Variants in RASA2 observed in about 807,000 individuals in gnomAD.
RASA2 encodes RAS p21 protein activator 2.
In RASA2, 155 loss-of-function variants were observed where a neutral mutation model predicts 118.2. The observed-to-expected ratio is 1.31, with a 90% CI of 1.15 to 1.50. The LOEUF (loss-of-function observed/expected upper bound fraction) is 1.50. RASA2 is among the 40% of genes most tolerant of loss of function. RASA2 has a pLI of 0.00. For missense variants in RASA2, 1,016 were observed against 1,009.6 expected (o/e 1.01, Z -0.09); for synonymous variants, 353 against 349.1 (o/e 1.01, Z -0.12).
intron 2 of RASA2, among the ~76,000 whole-genome samples, chr3:141,515,888 G>T (rs1449186073): frequency 7.3e-6 from 1 of 136,648 alleles, no homozygotes; most frequent in African/African-American, 2.7e-5. Flanking sequence ...AACAGAGCAA[G>T]ACTCTGTCTC....
intron 1 of RASA2, among the ~76,000 whole-genome samples, chr3:141,508,840 G>A (rs1482297292): frequency 6.6e-6 from 1 of 151,152 alleles, no homozygotes; most frequent in East Asian, 1.9e-4. Flanking sequence ...GGTCCAAGGC[G>A]CATGCTCATT....
intron 3 of RASA2, among the ~76,000 whole-genome samples, chr3:141,517,913 C>T (rs977044574): frequency 6.6e-6 from 1 of 151,904 alleles, no homozygotes; most frequent in African/African-American, 2.4e-5. Context: ...CCTCGGCCTC[C>T]CAAAGTGCTG....
At position 141,614,541 on chromosome 3, in the gene RASA2, T is replaced by C. The variant is rs534383829; in HGVS notation, c.*2228T>C. 6 of 152,322 alleles carry C rather than the reference T, an allele frequency of 3.9e-5. No individual in the cohort carries two copies. Among genetic ancestry groups the C allele is most frequent in the Non-Finnish European group, 7.4e-5 (5 of 68,024 alleles). The allele number at this position is 152,322 out of a possible 1,614,324, so 9.4% of individuals were successfully genotyped here. A position where few individuals can be genotyped will look rare whatever the true frequency, so the allele number is the denominator to read the frequency against. On this transcript the variant is annotated 3_prime_UTR_variant, in exon 24 of 24. Transcript: ENST00000286364. ...TCTACCTTTTCCACATTTGAAAATATACAAGGCAGCTCACTTCATCCTAAA... is the reference window on the plus strand; with the variant it reads ...TCTACCTTTTCCACATTTGAAAATACACAAGGCAGCTCACTTCATCCTAAA...
intron 5 of RASA2, among the ~76,000 whole-genome samples, chr3:141,550,836 G>A (rs771076950): frequency 5.3e-5 from 8 of 152,146 alleles, no homozygotes; most frequent in Non-Finnish European, 1.2e-4. Flanking sequence ...CAGCCTGGGC[G>A]ACAGAGTGAG....
In RASA2 at chr3:141,608,698, G is replaced by A. The variant is rs759825054; in HGVS notation, c.2225+1G>A. On this transcript the variant is annotated splice_donor_variant, in intron 21 of 23. Transcript: ENST00000286364. LOFTEE classifies it high-confidence loss of function. ...CTCTCGGCTGCAAGCCATGTACTGC[G>A]TAAGTTTCTTTCTGATTATAAAAGC... The A allele has an allele frequency of 1.1e-5, 17 of 1,610,706 alleles. No individual in the cohort carries two copies. The highest frequency in any genetic ancestry group is 1.7e-5 in the Admixed American group (1 of 59,884).
intron 11 of RASA2, among the ~76,000 whole-genome samples, 193 bp downstream of exon 11, chr3:141,571,747 A>G (rs1469634863): frequency 6.6e-6 from 1 of 152,146 alleles, no homozygotes; most frequent in Non-Finnish European, 1.5e-5. Flanking sequence ...AAGGACAACA[A>G]TTAATGAAGG....
At chr3:141,607,485 A>G (rs953796210) in intron 19 of RASA2, among the ~76,000 whole-genome samples, 193 bp from the exon 20 acceptor site, 2 of 152,158 alleles carry the variant, frequency 1.3e-5, no homozygotes, top group African/African-American at 4.8e-5. Context: ...AGCAGTGGTC[A>G]CTTTAGAAGA....
chr3:141,593,002 G>A (rs1303672166), intron 19 of RASA2, among the ~76,000 whole-genome samples: 13 of 151,926 alleles, frequency 8.6e-5, no homozygotes, highest in Non-Finnish European at 4.4e-5. Flanking sequence ...TATATATATA[G>A]CAATTCTCTG....
In RASA2 at chr3:141,612,685, C is replaced by T. The variant is rs1160817154; in HGVS notation, c.*372C>T. 1 of 181,526 alleles carries T rather than the reference C, an allele frequency of 5.5e-6. No homozygotes were observed. Among genetic ancestry groups the T allele is most frequent in the Non-Finnish European group, 1.1e-5 (1 of 87,456 alleles). The allele number at this position is 181,526 out of a possible 1,614,324, so 11.2% of individuals were successfully genotyped here. On this transcript the variant is annotated 3_prime_UTR_variant, in exon 24 of 24. Transcript: ENST00000286364. The stretch of plus-strand genomic sequence containing the variant: ...GGACTTGTTTTCACTACCATCAGTG[C>T]CTGCTCTATACTGCCAACATTGTGT...
intron 1 of RASA2, among the ~76,000 whole-genome samples, chr3:141,489,278 T>G (rs1430018946): frequency 6.6e-6 from 1 of 152,254 alleles, no homozygotes; most frequent in Non-Finnish European, 1.5e-5. Flanking sequence ...CTCTTCCCAT[T>G]TCTTTGTCCT....
chr3:141,495,236 C>T (rs2151068847), intron 1 of RASA2, among the ~76,000 whole-genome samples: 1 of 152,328 alleles, frequency 6.6e-6, no homozygotes, highest in South Asian at 2.1e-4. Flanking sequence ...AACAGATACA[C>T]AATAGCTAAG....
At chr3:141,501,787 T>G (rs545532354) in intron 1 of RASA2, among the ~76,000 whole-genome samples, 1 of 152,218 alleles carries the variant, frequency 6.6e-6, no homozygotes, top group Non-Finnish European at 1.5e-5. Flanking sequence ...CATTTTAATT[T>G]TACTCTAAAC....
In RASA2 at chr3:141,614,995, A is replaced by G. The variant is rs1490766650; in HGVS notation, c.*2682A>G. On this transcript the variant is annotated 3_prime_UTR_variant, in exon 24 of 24. Coordinates refer to ENST00000286364, the MANE Select transcript of RASA2 (RefSeq NM_006506.5). ...AGTGAAAGCACCTTTAATTTGCTCT[A>G]ACGGTACATCCTGTAAAGACAGAAT... 1 of 152,192 alleles carries G rather than the reference A, an allele frequency of 6.6e-6. No individual in the cohort carries two copies. Among genetic ancestry groups the G allele is most frequent in the Non-Finnish European group, 1.5e-5 (1 of 68,028 alleles). 9.4% of individuals were successfully genotyped at this position (152,192 alleles called of 1,614,324 possible).
intron 19 of RASA2, 89 bp from the exon 20 acceptor site, chr3:141,607,589 A>T: frequency 7.8e-7 from 1 of 1,283,318 alleles, no homozygotes; most frequent in Non-Finnish European, 1.0e-6. Context: ...CATCAAGAGG[A>T]TGAGCTTAAA....
intron 1 of RASA2, among the ~76,000 whole-genome samples, chr3:141,505,308 T>C (rs1356272615): frequency 6.6e-6 from 1 of 152,216 alleles, no homozygotes; most frequent in Non-Finnish European, 1.5e-5. Context: ...AGGCACTTAG[T>C]AAATATTTGT....
intron 19 of RASA2, among the ~76,000 whole-genome samples, chr3:141,595,897 G>A (rs953877984): frequency 1.3e-5 from 2 of 152,100 alleles, no homozygotes; most frequent in African/African-American, 4.8e-5. Flanking sequence ...GAATTAACAG[G>A]TATGAGCCAC....
At chr3:141,602,248 A>T (rs2083475531) in intron 19 of RASA2, among the ~76,000 whole-genome samples, 1 of 152,154 alleles carries the variant, frequency 6.6e-6, no homozygotes, top group Non-Finnish European at 1.5e-5. Context: ...GTCACCAAGG[A>T]CCAGTTTCAT....
intron 5 of RASA2, among the ~76,000 whole-genome samples, chr3:141,541,842 G>A (rs1231219828): frequency 2.0e-5 from 3 of 150,330 alleles, no homozygotes; most frequent in African/African-American, 7.3e-5. Context: ...TCTCAATTTG[G>A]ATTTACCTAC....
intron 5 of RASA2, among the ~76,000 whole-genome samples, chr3:141,546,854 A>G (rs897793289): frequency 6.6e-6 from 1 of 152,146 alleles, no homozygotes; most frequent in African/African-American, 2.4e-5. Flanking sequence ...CCTTTAATCC[A>G]TTTTTATTTG....
Sources: gnomAD v4.1 joint callset for allele counts (sites outside exome capture counted in the v4.1 genomes callset) on GRCh38, gnomAD v4.1.1 for gene constraint, MANE v1.5 for transcripts, NCBI Gene and HGNC (gene_info 2026-07-23, HGNC 2026-07-21) for gene names.